Variants in ULK4 observed in about 807,000 individuals in gnomAD.
The protein encoded by ULK4 is inactive serine/threonine-protein kinase ULK4.
A neutral mutation model predicts 160.6 loss-of-function variants in ULK4; 133 were observed. The observed-to-expected ratio is 0.83, with a 90% CI of 0.72 to 0.96. The LOEUF is 0.96. ULK4 is among the 40% of genes least tolerant of loss of function. The pLI, the probability that ULK4 is intolerant of heterozygous loss-of-function variation, is 0.00. For synonymous variants in ULK4, 534 were observed against 539.8 expected (o/e 0.99, Z 0.15); for missense variants, 1,580 against 1,499.5 (o/e 1.05, Z -0.89).
chr3:41,636,947 A>ATT (rs1374979115), intron 30 of ULK4, among the ~76,000 whole-genome samples: 1 of 152,196 alleles, frequency 6.6e-6, no homozygotes, highest in Admixed American at 6.5e-5. Context: ...CTGAACCTTT[A>ATT]TTTATTAATC....
At chr3:41,944,878 G>C (rs1385261135) in intron 2 of ULK4, among the ~76,000 whole-genome samples, 1 of 152,088 alleles carries the variant, frequency 6.6e-6, no homozygotes, top group African/African-American at 2.4e-5. Context: ...TCACACAAGT[G>C]GTTTCTCTCA....
intron 32 of ULK4, among the ~76,000 whole-genome samples, chr3:41,562,408 G>A (rs1189507341): frequency 6.6e-6 from 1 of 152,106 alleles, no homozygotes; most frequent in African/African-American, 2.4e-5. Flanking sequence ...TCAAGTCCTG[G>A]ATATCCTTGT....
chr3:41,592,272 G>A (rs1013621658), intron 31 of ULK4, among the ~76,000 whole-genome samples: 9 of 151,276 alleles, frequency 5.9e-5, no homozygotes, highest in African/African-American at 2.2e-4. Context: ...TCAATTTAGA[G>A]AGCCGAGTGA....
rs547056014 is a variant in ULK4, at chr3:41,958,025, CG to C, written c.-48-3219del. On this transcript the variant is annotated intron_variant, in intron 1 of 36. Transcript: ENST00000301831. ...CACCACTGCACTCTAGCCTGGGCAA[CG>C]AAGTGAGACCCTTTCTCAAAAAAAA... Among the ~76,000 whole-genome samples the C allele has an allele frequency of 1.3e-4, 18 of 136,472 alleles. No individual in the cohort carries two copies. In the South Asian group the frequency reaches 2.7e-3, roughly 21 times the overall value. 89.5% of individuals were successfully genotyped at this position (136,472 alleles called of 152,430 possible). A position where few individuals can be genotyped will look rare whatever the true frequency, so the allele number is the denominator to read the frequency against.
At chr3:41,911,045 C>T (rs554376552) in intron 11 of ULK4, among the ~76,000 whole-genome samples, 1 of 152,158 alleles carries the variant, frequency 6.6e-6, no homozygotes, top group Non-Finnish European at 1.5e-5. Flanking sequence ...AATGAAGAGG[C>T]ATTAATTCTT....
chr3:41,704,942 G>C, intron 27 of ULK4, 115 bp downstream of exon 27: 1 of 712,678 alleles, frequency 1.4e-6, no homozygotes. Flanking sequence ...GGTTCTGAAT[G>C]GTTATTTCAT....
intron 35 of ULK4, among the ~76,000 whole-genome samples, chr3:41,280,828 T>C (rs1007689126): frequency 1.3e-5 from 2 of 151,842 alleles, no homozygotes; most frequent in Admixed American, 6.6e-5. Flanking sequence ...CTGAAGGAGA[T>C]AGAGACACAA....
chr3:41,884,813 T>C (rs1697661071), intron 16 of ULK4, among the ~76,000 whole-genome samples: 1 of 152,234 alleles, frequency 6.6e-6, no homozygotes, highest in African/African-American at 2.4e-5. Flanking sequence ...TTTCAACACT[T>C]CTTAAATTTC....
intron 19 of ULK4, among the ~76,000 whole-genome samples, chr3:41,817,462 T>A (rs906895468): frequency 1.1e-4 from 16 of 152,212 alleles, no homozygotes; most frequent in Admixed American, 1.0e-3. Context: ...TAAAATCATG[T>A]TCTTTGCAAC....
At chr3:41,417,054 C>T (rs985702641) in intron 34 of ULK4, among the ~76,000 whole-genome samples, 1 of 152,098 alleles carries the variant, frequency 6.6e-6, no homozygotes, top group African/African-American at 2.4e-5. Flanking sequence ...TTAGAGCTAA[C>T]AGGAAGCTAC....
At chr3:41,585,184 T>A (rs1335882514) in intron 31 of ULK4, among the ~76,000 whole-genome samples, 2 of 152,108 alleles carry the variant, frequency 1.3e-5, no homozygotes, top group Non-Finnish European at 2.9e-5. Context: ...TTCATATGAA[T>A]TCTCAAAAGA....
In ULK4 at chr3:41,663,696, A is replaced by G. The variant is rs764464513; in HGVS notation, c.2982T>C (p.Tyr994=). The G allele has an allele frequency of 2.5e-6, 4 of 1,613,316 alleles. No individual in the cohort carries two copies. In the African/African-American group the frequency reaches 5.3e-5, roughly 22 times the overall value. ...ALIRDVLLPQ[Y]EHILLEPDPV... is the part of the protein sequence containing the mutation. The stretch of plus-strand genomic sequence containing the variant: ...GGTCAGGTTCTAAAAGAATGTGCTC[A>G]TACCTGAAATGGTAAAGACATTTAA... The change falls in exon 30 of 37, where the codon TAT becomes TAC. Residue 994 remains tyrosine (Y), a synonymous_variant. Coordinates refer to ENST00000301831, the MANE Select transcript of ULK4 (RefSeq NM_017886.4).
intron 35 of ULK4, among the ~76,000 whole-genome samples, chr3:41,274,836 T>C (rs993105180): frequency 8.5e-5 from 13 of 152,200 alleles, no homozygotes; most frequent in Non-Finnish European, 1.5e-4. Context: ...ATCTCGTGGA[T>C]TCATGTACCA....
chr3:41,286,712 G>A (rs1326371128), intron 35 of ULK4, among the ~76,000 whole-genome samples: 1 of 152,198 alleles, frequency 6.6e-6, no homozygotes, highest in Admixed American at 6.5e-5. Flanking sequence ...TTTTGGGCAT[G>A]GCTTCCTGCC....
intron 19 of ULK4, among the ~76,000 whole-genome samples, chr3:41,818,020 A>G (rs1342598777): frequency 6.6e-6 from 1 of 151,382 alleles, no homozygotes; most frequent in African/African-American, 2.4e-5. Context: ...ACAACAGATG[A>G]TGGCAAGGAT....
intron 32 of ULK4, among the ~76,000 whole-genome samples, chr3:41,542,534 T>A (rs1406055490): frequency 1.3e-5 from 2 of 152,200 alleles, no homozygotes; most frequent in Non-Finnish European, 2.9e-5. Context: ...GCTGGCCTCA[T>A]AAAATGAGTT....
intron 35 of ULK4, among the ~76,000 whole-genome samples, chr3:41,263,779 T>C (rs1446749634): frequency 6.6e-6 from 1 of 152,166 alleles, no homozygotes; most frequent in Non-Finnish European, 1.5e-5. Flanking sequence ...ATGAGATGCA[T>C]ACACATGAAA....
intron 32 of ULK4, among the ~76,000 whole-genome samples, chr3:41,504,494 G>C (rs939574381): frequency 6.6e-6 from 1 of 152,180 alleles, no homozygotes; most frequent in African/African-American, 2.4e-5. Flanking sequence ...TGGAAGTGTA[G>C]AGCATAATTT....
intron 22 of ULK4, among the ~76,000 whole-genome samples, chr3:41,751,660 C>T (rs1057439275): frequency 1.3e-5 from 2 of 152,170 alleles, no homozygotes; most frequent in African/African-American, 4.8e-5. Context: ...ATGTGTCATA[C>T]CCAATCTCTG....
Sources: gnomAD v4.1 joint callset for allele counts (sites outside exome capture counted in the v4.1 genomes callset) on GRCh38, gnomAD v4.1.1 for gene constraint, MANE v1.5 for transcripts, NCBI Gene and HGNC (gene_info 2026-07-23, HGNC 2026-07-21) for gene names.